Variants in PLPPR1 observed in about 807,000 individuals in gnomAD.
The protein encoded by PLPPR1 is phospholipid phosphatase-related protein type 1.
PLPPR1 carries 10 observed loss-of-function variants against 33.1 expected under a neutral mutation model. The ratio of observed to expected loss-of-function variants is 0.30; its 90% CI spans 0.19 to 0.51. The LOEUF is 0.51. PLPPR1 is among the 20% of genes least tolerant of loss of function. The pLI is 0.97. For synonymous variants in PLPPR1, 151 were observed against 151.0 expected (o/e 1.00, Z 0.00); for missense variants, 304 against 408.1 (o/e 0.74, Z 2.20).
intron 1 of PLPPR1, among the ~76,000 whole-genome samples, chr9:101,052,542 C>A (rs914209216): frequency 6.6e-6 from 1 of 152,114 alleles, no homozygotes; most frequent in Non-Finnish European, 1.5e-5. Flanking sequence ...TACAAGATAG[C>A]GGAGAAGACA....
intron 2 of PLPPR1, among the ~76,000 whole-genome samples, chr9:101,201,161 G>A (rs567506795): frequency 6.6e-6 from 1 of 152,156 alleles, no homozygotes; most frequent in Non-Finnish European, 1.5e-5. Context: ...ACAGCTGAAT[G>A]CTGTATGAAG....
chr9:101,241,112 T>C (rs539488180), intron 2 of PLPPR1, among the ~76,000 whole-genome samples: 25 of 152,238 alleles, frequency 1.6e-4, no homozygotes, highest in African/African-American at 6.0e-4. Context: ...GTTGTATGTC[T>C]TGTGTTCTTT....
At chr9:101,143,238 T>C (rs1831476598) in intron 1 of PLPPR1, among the ~76,000 whole-genome samples, 1 of 152,176 alleles carries the variant, frequency 6.6e-6, no homozygotes, top group Admixed American at 6.6e-5. Flanking sequence ...GTTTCCAGAC[T>C]TAAGTCTATC....
intron 1 of PLPPR1, among the ~76,000 whole-genome samples, chr9:101,065,144 T>C (rs1221668082): frequency 6.6e-6 from 1 of 152,082 alleles, no homozygotes; most frequent in African/African-American, 2.4e-5. Flanking sequence ...TTGCAGAGCA[T>C]TTTAAGGACT....
chr9:101,168,243 A>C (rs906482167), intron 1 of PLPPR1, among the ~76,000 whole-genome samples: 26 of 152,142 alleles, frequency 1.7e-4, no homozygotes, highest in African/African-American at 6.3e-4. Flanking sequence ...TCTCTTAGCC[A>C]TAGTTAATAA....
At chr9:101,300,567 G>A (rs1828733856) in intron 4 of PLPPR1, among the ~76,000 whole-genome samples, 1 of 152,198 alleles carries the variant, frequency 6.6e-6, no homozygotes, top group African/African-American at 2.4e-5. Flanking sequence ...AACAGGGCTG[G>A]GAGCTGCCCA....
At chr9:101,234,281 G>A (rs142255203) in intron 2 of PLPPR1, among the ~76,000 whole-genome samples, 79 of 151,982 alleles carry the variant, frequency 5.2e-4, no homozygotes, top group Middle Eastern at 3.4e-3. Flanking sequence ...AAAGTATAAG[G>A]AGAAGAGGGT....
At chr9:101,274,235 C>A (rs1191393850) in intron 3 of PLPPR1, among the ~76,000 whole-genome samples, 1 of 152,204 alleles carries the variant, frequency 6.6e-6, no homozygotes, top group Non-Finnish European at 1.5e-5. Flanking sequence ...AGAATAACAT[C>A]TTTTAATATA....
chr9:101,300,189 T>C (rs1383511097), intron 4 of PLPPR1, among the ~76,000 whole-genome samples: 1 of 152,126 alleles, frequency 6.6e-6, no homozygotes, highest in East Asian at 1.9e-4. Context: ...ATTTTTATTT[T>C]CTGAGACAGG....
chr9:101,178,831 G>T (rs1212137571), intron 1 of PLPPR1, among the ~76,000 whole-genome samples: 3 of 152,184 alleles, frequency 2.0e-5, no homozygotes, highest in African/African-American at 7.2e-5. Flanking sequence ...AGGAATGGAA[G>T]TGGAAGTGGC....
chr9:101,198,377 A>G (rs1826436453), intron 2 of PLPPR1, among the ~76,000 whole-genome samples: 1 of 152,292 alleles, frequency 6.6e-6, no homozygotes, highest in Middle Eastern at 3.4e-3. Flanking sequence ...CATAGAGGTT[A>G]AGTAACTTGT....
Position 101,162,529 on chromosome 9 carries a change from C to G in PLPPR1, c.-45-22921C>G, listed in dbSNP as rs569255189. Among the ~76,000 whole-genome samples, 4 of 152,352 alleles carry G rather than the reference C, an allele frequency of 2.6e-5. No individual in the cohort carries two copies. The South Asian group carries it at 6.2e-4, about 24-fold the overall frequency. Reference sequence around the variant, plus strand: ...GAAGAATTTGTGAATTTTGTGCCAACAGCATATGTACACATTGCTGTAGCT... The same window carrying G: ...GAAGAATTTGTGAATTTTGTGCCAAGAGCATATGTACACATTGCTGTAGCT... On this transcript the variant is annotated intron_variant, in intron 1 of 7. Coordinates refer to ENST00000374874, the MANE Select transcript of PLPPR1 (RefSeq NM_207299.2).
rs1333911204 is a variant in PLPPR1, at chr9:101,317,425, G to A, written c.874G>A (p.Glu292Lys). 2.5e-6 allele frequency: 4 copies of A among 1,614,062 alleles called. No individual in the cohort carries two copies. Among genetic ancestry groups the A allele is most frequent in the Non-Finnish European group, 3.4e-6 (4 of 1,179,956 alleles). The change falls in exon 7 of 8, where the codon GAG becomes AAG. Residue 292 changes from glutamate (E) to lysine (K), a missense_variant. By Grantham distance (56) the Glu-to-Lys change is moderately conservative (BLOSUM62 1). Coordinates refer to ENST00000374874, the MANE Select transcript of PLPPR1 (RefSeq NM_207299.2). ...TQGSPSKPKP[E>K]DPRGVPLMAF... ...AGGATCTCCTTCCAAACCCAAGCCT[G>A]AGGATCCCCGTGGAGTACCCCTAAT...
chr9:101,042,975 A>G (rs1266250855), intron 1 of PLPPR1, among the ~76,000 whole-genome samples: 1 of 152,012 alleles, frequency 6.6e-6, no homozygotes, highest in African/African-American at 2.4e-5. Flanking sequence ...TACATGAATA[A>G]GTTCTTTAGT....
At chr9:101,069,861 C>A (rs1244836717) in intron 1 of PLPPR1, among the ~76,000 whole-genome samples, 3 of 152,070 alleles carry the variant, frequency 2.0e-5, no homozygotes, top group African/African-American at 7.2e-5. Flanking sequence ...GCTCAGCTAA[C>A]CCCTAAGGGA....
intron 1 of PLPPR1, among the ~76,000 whole-genome samples, chr9:101,180,141 TATACACACACAC>T (rs1564167620): frequency 1.3e-3 from 37 of 28,876 alleles, no homozygotes; most frequent in African/African-American, 1.7e-3. Context: ...TATATATATA[TATACACACACAC>T]ACACACACAT....
chr9:101,043,334 T>C (rs1035938866), intron 1 of PLPPR1, among the ~76,000 whole-genome samples: 2 of 151,712 alleles, frequency 1.3e-5, no homozygotes, highest in Non-Finnish European at 2.9e-5. Context: ...CGTGTATATA[T>C]ACACACATAT....
chr9:101,045,129 G>A (rs1478212523), intron 1 of PLPPR1, among the ~76,000 whole-genome samples: 2 of 152,176 alleles, frequency 1.3e-5, no homozygotes, highest in African/African-American at 4.8e-5. Context: ...GCCAGACATA[G>A]CTGTGTGGTT....
chr9:101,128,266 A>G (rs1252113403), intron 1 of PLPPR1, among the ~76,000 whole-genome samples: 1 of 152,176 alleles, frequency 6.6e-6, no homozygotes, highest in East Asian at 1.9e-4. Context: ...AATTCAAAGG[A>G]AGAAAAACTT....
Sources: gnomAD v4.1 joint callset for allele counts (sites outside exome capture counted in the v4.1 genomes callset) on GRCh38, gnomAD v4.1.1 for gene constraint, MANE v1.5 for transcripts, NCBI Gene and HGNC (gene_info 2026-07-23, HGNC 2026-07-21) for gene names.